GPRC5B: variants seen among roughly 807,000 people sequenced by gnomAD.
GPRC5B encodes the protein G protein-coupled receptor family C group 5 member B.
A neutral mutation model predicts 30.1 loss-of-function variants in GPRC5B; 16 were observed. The observed-to-expected ratio is 0.53, with a 90% CI of 0.36 to 0.81. The LOEUF (loss-of-function observed/expected upper bound fraction) is 0.81, where lower values mean the gene tolerates loss of function less well. Ranked by LOEUF, GPRC5B falls within the 30% of genes least tolerant of loss-of-function variation. The probability of loss-of-function intolerance (pLI) is 0.01; values close to 1 mark genes in which losing one functional copy is unlikely to be tolerated. For synonymous variants in GPRC5B, 241 were observed against 239.5 expected (o/e 1.01, Z -0.06); for missense variants, 428 against 544.7 (o/e 0.79, Z 2.13).
At chr16:19,885,601 C>A, upstream of GPRC5B, 5 of 1,036,546 alleles carry the variant, frequency 4.8e-6, no homozygotes, top group Non-Finnish European at 5.8e-6. This position sits in a 1 kb window ranked among gnomAD's most constrained non-coding sequence, Gnocchi z 5.3. Flanking sequence ...ACATCACCCA[C>A]GTACGCACAT....
intron 2 of GPRC5B, among the ~76,000 whole-genome samples, chr16:19,868,136 A>G (rs1177673950): frequency 6.6e-6 from 1 of 151,810 alleles, no homozygotes; most frequent in African/African-American, 2.4e-5. Context: ...ACACTTTGGG[A>G]GGCCGAGGCG....
rs1334556853 is a variant in GPRC5B, at chr16:19,884,829, G to C, written c.-104C>G. The C allele has an allele frequency of 8.1e-6, 8 of 983,602 alleles. No individual in the cohort carries two copies. In the East Asian group the frequency reaches 4.6e-4, roughly 56 times the overall value. 60.9% of individuals were successfully genotyped at this position (983,602 alleles called of 1,614,324 possible). A position where few individuals can be genotyped will look rare whatever the true frequency, so the allele number is the denominator to read the frequency against. ...CCCCGCTCCACGCACGCCCGCCTGC[G>C]GGTCCAGCTTCACTGCAGCGCCTGC... is the stretch of plus-strand genomic sequence containing the variant. On this transcript the variant is annotated 5_prime_UTR_variant, in exon 1 of 4. Transcript: ENST00000300571.
Position 19,858,574 on chromosome 16 carries a change from T to A in GPRC5B, c.*1926A>T. On this transcript the variant is annotated 3_prime_UTR_variant, in exon 4 of 4. Transcript: ENST00000300571. ...GCACGAGAATGTGTAATGCTGTCGTTTTTTCACCGGACAGGACCGAGGTGT... is the reference window on the plus strand; with the variant it reads ...GCACGAGAATGTGTAATGCTGTCGTATTTTCACCGGACAGGACCGAGGTGT... The A allele has an allele frequency of 1.5e-6, 1 of 667,880 alleles. No individual in the cohort carries two copies. Among genetic ancestry groups the A allele is most frequent in the South Asian group, 1.6e-5 (1 of 61,626 alleles). 41.4% of individuals were successfully genotyped at this position (667,880 alleles called of 1,614,324 possible).
chr16:19,878,025 C>A (rs2056772173), intron 1 of GPRC5B, among the ~76,000 whole-genome samples: 1 of 151,856 alleles, frequency 6.6e-6, no homozygotes, highest in Non-Finnish European at 1.5e-5. Context: ...ATGGTGAAAC[C>A]CCGTTTCTAC....
intron 1 of GPRC5B, among the ~76,000 whole-genome samples, chr16:19,875,281 C>T (rs907669830): frequency 6.6e-5 from 10 of 152,228 alleles, no homozygotes; most frequent in Non-Finnish European, 1.2e-4. Context: ...AGGTACCTTC[C>T]GGGGTGAGGA....
At chr16:19,870,788 T>G (rs993776078) in intron 2 of GPRC5B, among the ~76,000 whole-genome samples, 1 of 152,110 alleles carries the variant, frequency 6.6e-6, no homozygotes, top group Admixed American at 6.6e-5. Context: ...AAAAGTGGAT[T>G]CCCATCTAAA....
intron 2 of GPRC5B, among the ~76,000 whole-genome samples, chr16:19,863,520 A>G (rs2056643720): frequency 7.0e-6 from 1 of 142,568 alleles, no homozygotes; most frequent in African/African-American, 2.6e-5. Context: ...TTTTTGAGAC[A>G]AGAGTCTCGC....
In GPRC5B at chr16:19,860,548, G is replaced by A; in HGVS notation, c.1168-4C>T. ...GACTTGGCGGAGCAGTTGGGATCTG[G>A]AATAACACATAAGGATAACACACTG... On this transcript the variant is annotated splice_region_variant and splice_polypyrimidine_tract_variant and intron_variant, in intron 3 of 3. Coordinates refer to ENST00000300571, the MANE Select transcript of GPRC5B (RefSeq NM_016235.3). The A allele has an allele frequency of 6.3e-7, 1 of 1,585,472 alleles. No homozygotes were observed. The highest frequency in any genetic ancestry group is 1.1e-5 in the South Asian group (1 of 90,380).
rs2056594616 is a variant in GPRC5B at position 19,858,679 on chromosome 16, C to T, written c.*1821G>A. ...CCACCCCAGGTCCTAGCTTCATTCC[C>T]TCCCACCCCTCCCCAGGACTCTTAC... On this transcript the variant is annotated 3_prime_UTR_variant, in exon 4 of 4. Transcript: ENST00000300571. The T allele has an allele frequency of 2.1e-6, 1 of 484,348 alleles. No homozygotes were observed. The highest frequency in any genetic ancestry group is 3.7e-6 in the Non-Finnish European group (1 of 272,522). 30.0% of individuals were successfully genotyped at this position (484,348 alleles called of 1,614,324 possible).
chr16:19,885,206 G>A (rs1448273680), upstream of GPRC5B: 3 of 1,288,268 alleles, frequency 2.3e-6, no homozygotes, highest in East Asian at 1.7e-4. This position sits in a 1 kb window ranked among gnomAD's most constrained non-coding sequence, Gnocchi z 5.3. Context: ...CACTTACCGA[G>A]GGAGGTATCG....
At chr16:19,866,905 G>A (rs939172530) in intron 2 of GPRC5B, among the ~76,000 whole-genome samples, 6 of 152,146 alleles carry the variant, frequency 3.9e-5, no homozygotes, top group Admixed American at 3.3e-4. Context: ...TCATCCCCGC[G>A]CCAGCCCCAG....
At chr16:19,884,302 T>C (rs556683157) in intron 1 of GPRC5B, among the ~76,000 whole-genome samples, 40 of 150,638 alleles carry the variant, frequency 2.7e-4, no homozygotes, top group African/African-American at 9.5e-4. Context: ...CGGCTGCGTC[T>C]GCCCTGTCCA....
intron 1 of GPRC5B, among the ~76,000 whole-genome samples, chr16:19,876,159 G>A (rs760627548): frequency 3.3e-5 from 5 of 152,192 alleles, no homozygotes; most frequent in African/African-American, 1.2e-4. Flanking sequence ...CACTACCACC[G>A]ATTCCCCAAC....
intron 1 of GPRC5B, among the ~76,000 whole-genome samples, chr16:19,879,431 CCACACACACAGACA>C (rs1213875576): frequency 6.9e-6 from 1 of 144,868 alleles, no homozygotes; most frequent in Non-Finnish European, 1.5e-5. Flanking sequence ...CACACACACA[CCACACACACAGACA>C]CACACACACG....
chr16:19,866,265 T>C (rs2056665992), intron 2 of GPRC5B, among the ~76,000 whole-genome samples: 1 of 152,134 alleles, frequency 6.6e-6, no homozygotes, highest in Non-Finnish European at 1.5e-5. Flanking sequence ...GTAGCCTGGT[T>C]AAGACGCACT....
chr16:19,885,405 C>T (rs1479129460), upstream of GPRC5B: 11 of 1,159,890 alleles, frequency 9.5e-6, no homozygotes, highest in Non-Finnish European at 1.2e-5. The surrounding 1 kb of genome is among the most constrained non-coding windows in gnomAD (Gnocchi z 5.3). Context: ...ACCGCTAGGC[C>T]TCCTCCAGGC....
At chr16:19,865,936 T>A (rs1234442501) in intron 2 of GPRC5B, among the ~76,000 whole-genome samples, 1 of 152,162 alleles carries the variant, frequency 6.6e-6, no homozygotes, top group Admixed American at 6.5e-5. Context: ...TTGTTTTTTG[T>A]TGTTTTTTTT....
chr16:19,884,671 A>G (rs2056837148), intron 1 of GPRC5B, 56 bp downstream of exon 1: 6 of 983,052 alleles, frequency 6.1e-6, no homozygotes, highest in Non-Finnish European at 7.2e-6. Flanking sequence ...CACGGCGGGA[A>G]AAGTTTCTGG....
At chr16:19,883,582 T>C (rs1304054745) in intron 1 of GPRC5B, among the ~76,000 whole-genome samples, 1 of 152,250 alleles carries the variant, frequency 6.6e-6, no homozygotes, top group African/African-American at 2.4e-5. Context: ...CTCTTGTCTT[T>C]GCGGGGTCCC....
Sources: gnomAD v4.1 joint callset for allele counts (sites outside exome capture counted in the v4.1 genomes callset) on GRCh38, gnomAD v4.1.1 for gene constraint, Gnocchi (gnomAD v3.1) non-coding constraint, MANE v1.5 for transcripts, NCBI Gene and HGNC (gene_info 2026-07-23, HGNC 2026-07-21) for gene names.